Variants in SRD5A3 observed in about 807,000 individuals in gnomAD.
SRD5A3 encodes steroid 5 alpha-reductase 3.
SRD5A3 carries 24 observed loss-of-function variants against 34.3 expected under a neutral mutation model. The observed-to-expected ratio is 0.70, with a 90% CI of 0.51 to 0.99. SRD5A3 has a LOEUF of 0.99. Ranked by LOEUF, SRD5A3 falls within the 50% of genes least tolerant of loss-of-function variation. The pLI is 0.00. For synonymous variants in SRD5A3, 161 were observed against 167.3 expected, an observed-to-expected ratio of 0.96 and a Z score of 0.29; for missense variants, 350 against 388.2, an observed-to-expected ratio of 0.90 and a Z score of 0.83.
intron 1 of SRD5A3, among the ~76,000 whole-genome samples, chr4:55,351,363 T>C (rs1184497503): frequency 6.6e-6 from 1 of 152,094 alleles, no homozygotes; most frequent in East Asian, 1.9e-4. Context: ...TGAGCCACCG[T>C]GTCTGGCCTG....
At chr4:55,354,306 C>T (rs1005071020) in intron 1 of SRD5A3, among the ~76,000 whole-genome samples, 7 of 152,170 alleles carry the variant, frequency 4.6e-5, no homozygotes, top group African/African-American at 1.4e-4. Context: ...CCATGTTGGC[C>T]AGGCTGGTCT....
chr4:55,360,221 A>AT, intron 2 of SRD5A3, among the ~76,000 whole-genome samples: 1 of 148,738 alleles, frequency 6.7e-6, no homozygotes, highest in Non-Finnish European at 1.5e-5. Flanking sequence ...TTTCAAAAAA[A>AT]AAAAAAATTA....
Position 55,346,281 on chromosome 4 carries a change from C to G in SRD5A3, c.-56C>G. ...GCGCCGCGCGCTAGTGGCCGCTCTTCCGCGGGCTAGCGGGCGGTGGGGGCG... is the reference window on the plus strand; with the variant it reads ...GCGCCGCGCGCTAGTGGCCGCTCTTGCGCGGGCTAGCGGGCGGTGGGGGCG... On this transcript the variant is annotated 5_prime_UTR_variant, in exon 1 of 5. Transcript: ENST00000264228. 2.2e-6 allele frequency: 3 copies of G among 1,345,734 alleles called. No homozygotes were observed. Among genetic ancestry groups the G allele is most frequent in the Non-Finnish European group, 2.9e-6 (3 of 1,051,972 alleles). 83.4% of individuals were successfully genotyped at this position (1,345,734 alleles called of 1,614,324 possible).
At chr4:55,367,227 C>A (rs942753756) in intron 3 of SRD5A3, 22 of 300,506 alleles carry the variant, frequency 7.3e-5, no homozygotes, top group African/African-American at 4.3e-4. Context: ...AGGAATCTTA[C>A]CATTCGAAAG....
chr4:55,347,244 C>T (rs750567726), intron 1 of SRD5A3, among the ~76,000 whole-genome samples: 2 of 152,230 alleles, frequency 1.3e-5, no homozygotes, highest in Non-Finnish European at 2.9e-5. Context: ...TAATTTTCTT[C>T]TTCTCCTTTT....
chr4:55,353,524 C>G (rs1719284340), intron 1 of SRD5A3, among the ~76,000 whole-genome samples: 1 of 152,216 alleles, frequency 6.6e-6, no homozygotes, highest in South Asian at 2.1e-4. Context: ...CCAGCAGCGC[C>G]AAGTCACTGG....
Position 55,367,259 on chromosome 4 carries a change from AACT to A in SRD5A3, c.563-328_563-326del, listed in dbSNP as rs775656565. The A allele has an allele frequency of 1.2e-3, 494 of 398,288 alleles. 1 individual carries two copies. The highest frequency in any genetic ancestry group is 1.8e-3 in the Non-Finnish European group (380 of 214,866). The allele number at this position is 398,288 out of a possible 1,614,324, so 24.7% of individuals were successfully genotyped here. A position where few individuals can be genotyped will look rare whatever the true frequency, so the allele number is the denominator to read the frequency against. On this transcript the variant is annotated intron_variant, in intron 3 of 4. Coordinates refer to ENST00000264228, the MANE Select transcript of SRD5A3 (RefSeq NM_024592.5). ...AAAGTAGATCACAGTAGGGGAGCTGAACTTTGTGCTTGAACTGTTTAGAGAAGA... is the reference window on the plus strand; with the variant it reads ...AAAGTAGATCACAGTAGGGGAGCTGATTGTGCTTGAACTGTTTAGAGAAGA...
intron 1 of SRD5A3, among the ~76,000 whole-genome samples, chr4:55,354,037 T>TAA: frequency 6.6e-6 from 1 of 152,258 alleles, no homozygotes; most frequent in Middle Eastern, 3.4e-3. Flanking sequence ...AAACATTAAT[T>TAA]CCCCTTCTTA....
chr4:55,360,955 G>A (rs558638545), intron 2 of SRD5A3, among the ~76,000 whole-genome samples: 30 of 152,188 alleles, frequency 2.0e-4, no homozygotes, highest in African/African-American at 4.6e-4. Flanking sequence ...CTCCCAAAGC[G>A]CTGGGATTAC....
chr4:55,360,705 T>C (rs1719650680), intron 2 of SRD5A3, among the ~76,000 whole-genome samples: 1 of 140,186 alleles, frequency 7.1e-6, no homozygotes, highest in Admixed American at 7.3e-5. Flanking sequence ...TTTTTTTTTC[T>C]GAGATGGAGT....
chr4:55,359,997 G>C (rs902206735), intron 2 of SRD5A3, among the ~76,000 whole-genome samples: 28 of 152,266 alleles, frequency 1.8e-4, no homozygotes, highest in Admixed American at 5.2e-4. Context: ...CAGATCACAA[G>C]GTCAGGAGAT....
At chr4:55,349,681 A>G (rs1719117368) in intron 1 of SRD5A3, among the ~76,000 whole-genome samples, 1 of 152,122 alleles carries the variant, frequency 6.6e-6, no homozygotes, top group Non-Finnish European at 1.5e-5. Flanking sequence ...ATGTAGAAGA[A>G]CTTCTTAAAT....
intron 1 of SRD5A3, among the ~76,000 whole-genome samples, chr4:55,351,314 C>A (rs1439868626): frequency 2.0e-5 from 3 of 152,014 alleles, no homozygotes; most frequent in Non-Finnish European, 4.4e-5. Flanking sequence ...TCAGATGATC[C>A]ACCCACCTCG....
intron 1 of SRD5A3, among the ~76,000 whole-genome samples, chr4:55,347,275 T>C (rs1719031569): frequency 6.6e-6 from 1 of 152,250 alleles, no homozygotes; most frequent in South Asian, 2.1e-4. Flanking sequence ...ATTCAGGACA[T>C]AGCTGGAAAG....
intron 3 of SRD5A3, 124 bp downstream of exon 3, chr4:55,364,395 A>G (rs1243505383): frequency 1.8e-6 from 2 of 1,135,160 alleles, no homozygotes; most frequent in Non-Finnish European, 2.6e-6. Flanking sequence ...TGCATTTTGC[A>G]TTTCAGGAGA....
At chr4:55,366,246 A>G (rs1226846930) in intron 3 of SRD5A3, among the ~76,000 whole-genome samples, 1 of 152,248 alleles carries the variant, frequency 6.6e-6, no homozygotes. Context: ...CATTTAGCAT[A>G]AGGGACTTAG....
chr4:55,356,586 C>G (rs954775836), intron 1 of SRD5A3, among the ~76,000 whole-genome samples: 1 of 151,930 alleles, frequency 6.6e-6, no homozygotes, highest in Admixed American at 6.6e-5. Flanking sequence ...CTGAGCCTCC[C>G]GAGTAGCTGG....
Position 55,370,307 on chromosome 4 carries a change from G to A in SRD5A3, c.*216G>A. On this transcript the variant is annotated 3_prime_UTR_variant, in exon 5 of 5. Transcript: ENST00000264228. ...AAGAATAAATACTAATGGCAGATCT[G>A]CGATTTCTGGGTCCACTTTCTGAGA... 1 of 630,632 alleles carries A rather than the reference G, an allele frequency of 1.6e-6. No individual in the cohort carries two copies. 39.1% of individuals were successfully genotyped at this position (630,632 alleles called of 1,614,324 possible).
intron 4 of SRD5A3, 72 bp downstream of exon 4, chr4:55,367,794 C>T: frequency 6.3e-7 from 1 of 1,581,530 alleles, no homozygotes; most frequent in Non-Finnish European, 8.7e-7. Context: ...GTCCTGCATG[C>T]TTTTCCTTCC....
Sources: gnomAD v4.1 joint callset for allele counts (sites outside exome capture counted in the v4.1 genomes callset) on GRCh38, gnomAD v4.1.1 for gene constraint, MANE v1.5 for transcripts, NCBI Gene and HGNC (gene_info 2026-07-23, HGNC 2026-07-21) for gene names.